PHLDB2: variants seen among roughly 807,000 people sequenced by gnomAD.
PHLDB2 encodes the protein pleckstrin homology like domain family B member 2.
In PHLDB2, 71 loss-of-function variants were observed where a neutral mutation model predicts 123.6. The ratio of observed to expected loss-of-function variants is 0.57; its 90% confidence interval spans 0.47 to 0.70. The LOEUF is 0.70. Among genes scored for constraint, PHLDB2 ranks in the 30% least tolerant of loss-of-function variants. The pLI, the probability that PHLDB2 is intolerant of heterozygous loss-of-function variation, is 0.00. For missense variants in PHLDB2, 1,446 were observed against 1,519.5 expected, an observed-to-expected ratio of 0.95 and a Z score of 0.80; for synonymous variants, 547 against 541.6, an observed-to-expected ratio of 1.01 and a Z score of -0.14.
intron 1 of PHLDB2, among the ~76,000 whole-genome samples, chr3:111,801,398 C>A (rs1433188115): frequency 6.6e-6 from 1 of 152,086 alleles, no homozygotes; most frequent in Non-Finnish European, 1.5e-5. Flanking sequence ...ATACAAAGAC[C>A]TCAAAATTTT....
At chr3:111,941,957 CTGAA>C (rs2069925442) in intron 8 of PHLDB2, among the ~76,000 whole-genome samples, 1 of 152,200 alleles carries the variant, frequency 6.6e-6, no homozygotes, top group African/African-American at 2.4e-5. Context: ...CTCGAAGTCT[CTGAA>C]TGGAGTTGTA....
rs2068360215 is a variant in PHLDB2 at position 111,919,364 on chromosome 3, T to C, written c.1863+149T>C. On this transcript the variant is annotated intron_variant, in intron 4 of 17. Transcript: ENST00000431670. ...GTGGGTTCCCTGTATAGAGTGAAAA[T>C]ACCCTTTTTCTACATTCCTTTTTTC... 9.2e-6 allele frequency: 7 copies of C among 764,090 alleles called. No homozygotes were observed. The Admixed American group carries it at 1.7e-4, about 19-fold the overall frequency. 47.3% of individuals were successfully genotyped at this position (764,090 alleles called of 1,614,324 possible). A position where few individuals can be genotyped will look rare whatever the true frequency, so the allele number is the denominator to read the frequency against.
intron 1 of PHLDB2, among the ~76,000 whole-genome samples, chr3:111,870,444 G>A (rs992175275): frequency 1.3e-5 from 2 of 152,134 alleles, no homozygotes; most frequent in African/African-American, 4.8e-5. Flanking sequence ...GAGAACAGAG[G>A]ATGAGGAAAA....
intron 1 of PHLDB2, among the ~76,000 whole-genome samples, chr3:111,819,193 C>T (rs996752019): frequency 6.6e-6 from 1 of 152,012 alleles, no homozygotes; most frequent in African/African-American, 2.4e-5. Flanking sequence ...TTCATTTAAA[C>T]CTACTTATCT....
chr3:111,882,798 A>C (rs1432897991), intron 1 of PHLDB2, among the ~76,000 whole-genome samples: 1 of 152,166 alleles, frequency 6.6e-6, no homozygotes, highest in African/African-American at 2.4e-5. Flanking sequence ...GAAGGTCCTT[A>C]ATCCATGGCT....
intron 1 of PHLDB2, chr3:111,778,477 G>A (rs2060306934): frequency 6.6e-6 from 1 of 152,068 alleles, no homozygotes; most frequent in African/African-American, 2.4e-5. Context: ...GTAGTATTTT[G>A]TTATGGGAGC....
chr3:111,740,413 A>G (rs570846805), intron 1 of PHLDB2, among the ~76,000 whole-genome samples: 1 of 152,198 alleles, frequency 6.6e-6, no homozygotes, highest in Admixed American at 6.5e-5. Flanking sequence ...ATATCTGGTA[A>G]TTTTCGAGGT....
rs192086197 is a variant in PHLDB2 at position 111,834,645 on chromosome 3, T to G, written c.-48-11176T>G. Among the ~76,000 whole-genome samples the G allele has an allele frequency of 2.7e-3, 408 of 151,980 alleles. 2 individuals are homozygous for G. Among genetic ancestry groups the G allele is most frequent in the Non-Finnish European group, 4.2e-3 (283 of 67,944 alleles). On this transcript the variant is annotated intron_variant, in intron 1 of 17. Coordinates refer to the PHLDB2 transcript ENST00000393923. ...TGCCCTCATTTCTTTATAAGACAAA[T>G]TTTTAGAAGTGAAATTGTTGAATCA...
At chr3:111,949,780 C>G (rs761261133) in intron 10 of PHLDB2, 12 of 985,664 alleles carry the variant, frequency 1.2e-5, no homozygotes, top group Non-Finnish European at 1.4e-5. Context: ...TACATCAGCC[C>G]CATGGCCTGA....
chr3:111,790,299 C>T (rs2060859710), intron 1 of PHLDB2, among the ~76,000 whole-genome samples: 1 of 152,138 alleles, frequency 6.6e-6, no homozygotes, highest in Non-Finnish European at 1.5e-5. Context: ...AATATGGTTG[C>T]CCTTTGACCC....
At chr3:111,856,682 C>T (rs1007925509), upstream of PHLDB2, among the ~76,000 whole-genome samples, 2 of 152,056 alleles carry the variant, frequency 1.3e-5, no homozygotes, top group Admixed American at 6.5e-5. Context: ...TGGCATTGCT[C>T]GAGGCAAGGA....
At chr3:111,811,643 T>C (rs2061841571) in intron 1 of PHLDB2, among the ~76,000 whole-genome samples, 1 of 151,954 alleles carries the variant, frequency 6.6e-6, no homozygotes, top group Non-Finnish European at 1.5e-5. Flanking sequence ...GATTCCTCAC[T>C]ACACACACAC....
intron 2 of PHLDB2, among the ~76,000 whole-genome samples, chr3:111,905,803 G>A (rs1277047391): frequency 6.6e-6 from 1 of 152,064 alleles, no homozygotes; most frequent in African/African-American, 2.4e-5. Flanking sequence ...CAGCTATTAT[G>A]TCATTAAAAA....
chr3:111,879,308 ATTTC>A (rs1221357034), intron 1 of PHLDB2, among the ~76,000 whole-genome samples: 1 of 152,150 alleles, frequency 6.6e-6, no homozygotes, highest in South Asian at 2.1e-4. Flanking sequence ...GAATTTGTCC[ATTTC>A]TTCTAGATTT....
chr3:111,818,136 T>C (rs2108380444), intron 1 of PHLDB2, among the ~76,000 whole-genome samples: 1 of 151,438 alleles, frequency 6.6e-6, no homozygotes, highest in East Asian at 1.9e-4. Flanking sequence ...GAAGCCAGTC[T>C]TGCTTAAAAA....
At chr3:111,903,937 A>C (rs553775789) in intron 2 of PHLDB2, among the ~76,000 whole-genome samples, 1 of 152,154 alleles carries the variant, frequency 6.6e-6, no homozygotes, top group Non-Finnish European at 1.5e-5. Context: ...CAGAACTTCA[A>C]ATCCAACTCT....
intron 1 of PHLDB2, among the ~76,000 whole-genome samples, chr3:111,807,239 T>C (rs1334309715): frequency 6.6e-6 from 1 of 152,140 alleles, no homozygotes; most frequent in Non-Finnish European, 1.5e-5. Context: ...ATAAATTAAG[T>C]GTACAGAGTA....
At chr3:111,910,120 C>G (rs1397641890) in intron 2 of PHLDB2, among the ~76,000 whole-genome samples, 1 of 152,088 alleles carries the variant, frequency 6.6e-6, no homozygotes, top group Non-Finnish European at 1.5e-5. Context: ...AAAAAACATA[C>G]CCCTAGCCCA....
chr3:111,752,504 TCGCTTATTTTCTAACAAAAATATTCCAAA>T (rs2059798976), intron 1 of PHLDB2, among the ~76,000 whole-genome samples: 1 of 151,960 alleles, frequency 6.6e-6, no homozygotes, highest in Non-Finnish European at 1.5e-5. Flanking sequence ...AAGTTTTCAT[TCGCTTATTTTCTAACAAAAATATTCCAAA>T]TGCATCTATT....
Sources: gnomAD v4.1 joint callset for allele counts (sites outside exome capture counted in the v4.1 genomes callset) on GRCh38, gnomAD v4.1.1 for gene constraint, MANE v1.5 for transcripts, NCBI Gene and HGNC (gene_info 2026-07-23, HGNC 2026-07-21) for gene names.